ALDH1L1: variants seen among roughly 807,000 people sequenced by gnomAD.
The protein encoded by ALDH1L1 is cytosolic 10-formyltetrahydrofolate dehydrogenase.
A neutral mutation model predicts 101.1 loss-of-function variants in ALDH1L1; 68 were observed. That is an observed-to-expected ratio of 0.67 (90% CI 0.55 to 0.82). ALDH1L1 has a LOEUF of 0.82. ALDH1L1 is among the 40% of genes least tolerant of loss of function. The probability of loss-of-function intolerance (pLI) is 0.00; values close to 1 mark genes in which losing one functional copy is unlikely to be tolerated. For synonymous variants in ALDH1L1, 486 were observed against 470.8 expected (o/e 1.03, Z -0.42); for missense variants, 1,087 against 1,172.7 (o/e 0.93, Z 1.07).
chr3:126,181,022 C>T, upstream of ALDH1L1: 1 of 1,598,098 alleles, frequency 6.3e-7, no homozygotes. Context: ...GAATTTGCAG[C>T]CGCTTGCAGA....
chr3:126,180,533 C>T lies in ALDH1L1; in HGVS notation c.-81G>A. The T allele has an allele frequency of 9.8e-7, 1 of 1,025,034 alleles. No homozygotes were observed. The highest frequency in any genetic ancestry group is 4.1e-5 in the South Asian group (1 of 24,182). The allele number at this position is 1,025,034 out of a possible 1,614,324, so 63.5% of individuals were successfully genotyped here. A position where few individuals can be genotyped will look rare whatever the true frequency, so the allele number is the denominator to read the frequency against. On this transcript the variant is annotated 5_prime_UTR_variant, in exon 1 of 23. Coordinates refer to ENST00000393434, the MANE Select transcript of ALDH1L1 (RefSeq NM_012190.4). ...AGGTTAGACTTCTGTGAGCCGCAGCCCCGAAACTGAGGTTGGTGCAGACCC... is the reference window on the plus strand; with the variant it reads ...AGGTTAGACTTCTGTGAGCCGCAGCTCCGAAACTGAGGTTGGTGCAGACCC...
intron 1 of ALDH1L1, among the ~76,000 whole-genome samples, chr3:126,177,381 GA>G (rs2081380748): frequency 6.6e-6 from 1 of 152,190 alleles, no homozygotes; most frequent in Admixed American, 6.5e-5. Flanking sequence ...ATGATAAAAA[GA>G]AATGGGTTAC....
intron 7 of ALDH1L1, chr3:126,150,947 T>C (rs1181905683): frequency 5.7e-6 from 1 of 175,716 alleles, no homozygotes; most frequent in Admixed American, 5.8e-5. Flanking sequence ...GCTCCAGCCT[T>C]GTCTCCAACC....
intron 14 of ALDH1L1, among the ~76,000 whole-genome samples, chr3:126,126,656 G>A (rs1410675249): frequency 2.6e-5 from 4 of 152,186 alleles, no homozygotes; most frequent in Non-Finnish European, 4.4e-5. Flanking sequence ...AGGTGAAGCC[G>A]TCGGTTACAG....
At chr3:126,190,675 T>A (rs1014335021) in intron 1 of ALDH1L1, among the ~76,000 whole-genome samples, 1 of 152,228 alleles carries the variant, frequency 6.6e-6, no homozygotes, top group Admixed American at 6.5e-5. Context: ...ATTCCCTTGA[T>A]ACTCAGGTGC....
At position 126,137,836 on chromosome 3, in the gene ALDH1L1, C is replaced by T. The variant is rs562840492; in HGVS notation, c.1201G>A (p.Glu401Lys). The T allele has an allele frequency of 2.1e-5, 34 of 1,614,144 alleles. 1 individual carries two copies. In the South Asian group the frequency reaches 2.9e-4, roughly 14 times the overall value. The change falls in exon 10 of 23, where the codon GAG (glutamate) becomes AAG (lysine). Residue 401 changes from glutamate to lysine, a missense_variant. This residue lies in a region of ALDH1L1 where 645 missense variants were observed against 637.0 expected (regional missense o/e 1.01). Transcript: ENST00000393434. ...ACGTAGTCAATGCTGCACTCGCCCT[C>T]CTCATCGTCCCCTCGCAGCTTCCTC... is the stretch of plus-strand genomic sequence containing the variant. Reference protein sequence around the residue: ...LVRKLRGDDEEGECSIDYVEM... With the variant: ...LVRKLRGDDEKGECSIDYVEM...
intron 1 of ALDH1L1, among the ~76,000 whole-genome samples, chr3:126,171,755 A>T (rs77626547): frequency 0.043 from 6,513 of 152,232 alleles, 197 homozygotes; most frequent in Non-Finnish European, 0.054. Context: ...AAAAACCCAA[A>T]TCCAGCCCCT....
At chr3:126,172,787 G>A (rs2081304300) in intron 1 of ALDH1L1, among the ~76,000 whole-genome samples, 1 of 151,346 alleles carries the variant, frequency 6.6e-6, no homozygotes, top group African/African-American at 2.4e-5. Flanking sequence ...CTATACTTAG[G>A]CATATCATAT....
chr3:126,107,115 C>A, intron 21 of ALDH1L1, 26 bp downstream of exon 21: 1 of 1,599,972 alleles, frequency 6.3e-7, no homozygotes, highest in South Asian at 1.1e-5. Context: ...AGTCAGGGCC[C>A]TTGAGACATC....
chr3:126,134,741 G>C (rs1420943286), intron 12 of ALDH1L1, among the ~76,000 whole-genome samples: 1 of 152,228 alleles, frequency 6.6e-6, no homozygotes, highest in East Asian at 1.9e-4. Flanking sequence ...TGCCAGGTGA[G>C]GAGCTTCGTT....
chr3:126,114,798 C>G (rs541719240), intron 17 of ALDH1L1, 142 bp from the exon 18 acceptor site: 8 of 758,556 alleles, frequency 1.1e-5, no homozygotes, highest in Middle Eastern at 2.3e-4. Flanking sequence ...CCCACTCCCC[C>G]CCACCCCTTG....
intron 7 of ALDH1L1, chr3:126,151,761 A>T (rs1237205588): frequency 6.5e-6 from 1 of 153,648 alleles, no homozygotes; most frequent in Non-Finnish European, 1.5e-5. Context: ...TCTGCAAGCT[A>T]AAGCCCAGCC....
intron 13 of ALDH1L1, among the ~76,000 whole-genome samples, chr3:126,130,864 C>T (rs892579125): frequency 6.6e-6 from 1 of 152,234 alleles, no homozygotes; most frequent in Non-Finnish European, 1.5e-5. Context: ...TGGTGACACT[C>T]CCTCCTATGA....
At chr3:126,123,015 A>G (rs1347306057) in intron 16 of ALDH1L1, among the ~76,000 whole-genome samples, 3 of 152,234 alleles carry the variant, frequency 2.0e-5, no homozygotes, top group Non-Finnish European at 4.4e-5. Context: ...GAGACTGGAT[A>G]AAAAACAAGA....
At chr3:126,181,148 C>A, upstream of ALDH1L1, 1 of 730,648 alleles carries the variant, frequency 1.4e-6, no homozygotes, top group South Asian at 1.7e-5. Context: ...AATTCCCCTT[C>A]TCCACTCTCT....
Position 126,145,208 on chromosome 3 carries a change from G to GT in ALDH1L1, c.1076+1626dup, listed in dbSNP as rs532589620. ...GAGAGGAAGGAAGATAGGAATGAAA[G>GT]TAAGCATTGGCAAAGATATGGGAAA... On this transcript the variant is annotated intron_variant, in intron 9 of 22. Coordinates refer to ENST00000393434, the MANE Select transcript of ALDH1L1 (RefSeq NM_012190.4). Among the ~76,000 whole-genome samples, 57 of 152,314 alleles carry GT rather than the reference G, an allele frequency of 3.7e-4. No homozygotes were observed. The South Asian group carries it at 0.011, about 31-fold the overall frequency.
intron 1 of ALDH1L1, among the ~76,000 whole-genome samples, chr3:126,167,478 T>A (rs760709352): frequency 2.0e-5 from 3 of 152,124 alleles, no homozygotes; most frequent in Non-Finnish European, 4.4e-5. Context: ...AAATTTAGAA[T>A]GCAAGCTAAG....
chr3:126,183,914 G>A (rs2081496138), upstream of ALDH1L1, among the ~76,000 whole-genome samples: 1 of 152,188 alleles, frequency 6.6e-6, no homozygotes, highest in African/African-American at 2.4e-5. Flanking sequence ...TTTGGAGGGC[G>A]AATGTATTTT....
intron 17 of ALDH1L1, among the ~76,000 whole-genome samples, chr3:126,117,674 CA>C (rs71150427): frequency 0.44 from 65,667 of 149,276 alleles, 14,614 homozygotes; most frequent in African/African-American, 0.56. Flanking sequence ...AACAACAAAA[CA>C]AAAAAAAACC....
Sources: gnomAD v4.1 joint callset for allele counts (sites outside exome capture counted in the v4.1 genomes callset) on GRCh38, gnomAD v4.1.1 for gene constraint, gnomAD v4.1.1 regional missense constraint, MANE v1.5 for transcripts, NCBI Gene and HGNC (gene_info 2026-07-23, HGNC 2026-07-21) for gene names.